Variants in ADARB2 observed in about 807,000 individuals in gnomAD.
ADARB2 encodes inactive double-stranded RNA-specific editase B2.
In ADARB2, 25 loss-of-function variants were observed where a neutral mutation model predicts 62.2. The observed-to-expected ratio is 0.40, with a 90% CI of 0.29 to 0.56. The LOEUF (loss-of-function observed/expected upper bound fraction) is 0.56, where lower values mean the gene tolerates loss of function less well. Ranked by LOEUF, ADARB2 falls within the 20% of genes least tolerant of loss-of-function variation. The pLI is 0.43. For missense variants in ADARB2, 1,071 were observed against 1,077.4 expected (o/e 0.99, Z 0.08); for synonymous variants, 572 against 500.8 (o/e 1.14, Z -1.90).
At chr10:1,190,920 C>A (rs1308274063) in intron 8 of ADARB2, among the ~76,000 whole-genome samples, 1 of 152,228 alleles carries the variant, frequency 6.6e-6, no homozygotes, top group Non-Finnish European at 1.5e-5. Flanking sequence ...AACTTCGGGA[C>A]TGGTCTAAGG....
In ADARB2 at chr10:1,737,302, C is replaced by G; in HGVS notation, c.-152G>C. On this transcript the variant is annotated 5_prime_UTR_variant, in exon 1 of 10. Coordinates refer to ENST00000381312, the MANE Select transcript of ADARB2 (RefSeq NM_018702.4). ...CAGGACTGAGCAGGAAAGCGCGCTC[C>G]GTCTCTCTGTCTCTCGAATTGTTCT... 7.2e-6 allele frequency: 5 copies of G among 696,086 alleles called. No homozygotes were observed. The highest frequency in any genetic ancestry group is 1.2e-5 in the Non-Finnish European group (5 of 418,168). The allele number at this position is 696,086 out of a possible 1,614,324, so 43.1% of individuals were successfully genotyped here. A position where few individuals can be genotyped will look rare whatever the true frequency, so the allele number is the denominator to read the frequency against.
chr10:1,310,501 A>G lies in ADARB2; in HGVS notation c.1078-39432T>C, dbSNP rs376772730. On this transcript the variant is annotated intron_variant, in intron 3 of 9. Transcript: ENST00000381312. ...AAGAATCCATCTAAACCTACTTTCTAAGCCCTGGAGGCCCCAGAAGTGAAA... is the reference window on the plus strand; with the variant it reads ...AAGAATCCATCTAAACCTACTTTCTGAGCCCTGGAGGCCCCAGAAGTGAAA... Among the ~76,000 whole-genome samples the G allele has an allele frequency of 1.1e-4, 16 of 152,374 alleles. No individual in the cohort carries two copies. In the South Asian group the frequency reaches 2.9e-3, roughly 28 times the overall value.
intron 1 of ADARB2, among the ~76,000 whole-genome samples, chr10:1,472,743 C>A (rs551967582): frequency 3.3e-5 from 5 of 151,942 alleles, no homozygotes; most frequent in Non-Finnish European, 5.9e-5. Flanking sequence ...GTAATTTTAG[C>A]GATGGGAGGG....
rs1049503808 is a variant in ADARB2, at chr10:1,348,597, C to G, written c.1077+14431G>C. 1.9e-4 allele frequency among the ~76,000 whole-genome samples: 29 copies of G among 152,174 alleles called. 1 individual carries two copies. Among genetic ancestry groups the G allele is most frequent in the Admixed American group, 1.9e-3 (29 of 15,292 alleles). On this transcript the variant is annotated intron_variant, in intron 3 of 9. Transcript: ENST00000381312. ...TGCCCCCTACCCCTTGTGCCCTGCTCTCCTCCTCCCACCCCCTCTGCTCTG... is the reference window on the plus strand; with the variant it reads ...TGCCCCCTACCCCTTGTGCCCTGCTGTCCTCCTCCCACCCCCTCTGCTCTG...
intron 6 of ADARB2, among the ~76,000 whole-genome samples, chr10:1,220,041 AATGGTGATGGTGGTGGTGGTGATG>A (rs1830672463): frequency 1.7e-5 from 1 of 60,240 alleles, no homozygotes; most frequent in Admixed American, 1.5e-4. Flanking sequence ...TGATGATGGT[AATGGTGATGGTGGTGGTGGTGATG>A]ATGGTGATGG....
intron 1 of ADARB2, among the ~76,000 whole-genome samples, chr10:1,686,790 A>G (rs183937341): frequency 6.9e-4 from 105 of 152,344 alleles, no homozygotes; most frequent in African/African-American, 2.5e-3. Flanking sequence ...TATTATAAGT[A>G]TCATATTAAC....
chr10:1,614,282 A>G (rs574176180), intron 1 of ADARB2, among the ~76,000 whole-genome samples: 11 of 152,376 alleles, frequency 7.2e-5, no homozygotes, highest in African/African-American at 2.4e-4. Context: ...CAGCTTTAAA[A>G]AGCAAAATAG....
chr10:1,669,914 A>G (rs556472618), intron 1 of ADARB2, among the ~76,000 whole-genome samples: 1 of 152,242 alleles, frequency 6.6e-6, no homozygotes, highest in South Asian at 2.1e-4. Flanking sequence ...ACACACCCAT[A>G]GAGAGATGCA....
chr10:1,557,446 C>T (rs1230286606), intron 1 of ADARB2, among the ~76,000 whole-genome samples: 1 of 152,146 alleles, frequency 6.6e-6, no homozygotes, highest in South Asian at 2.1e-4. Flanking sequence ...AGCCACGGTC[C>T]TCCAACAGGC....
rs538015388 is a variant in ADARB2 at position 1,445,301 on chromosome 10, C to T, written c.101-66141G>A. ...ACCCACCCACCCATCTATTCATTCA[C>T]CATCCGCCTACATCCATCCTTTCAT... On this transcript the variant is annotated intron_variant, in intron 1 of 9. Transcript: ENST00000381312. Among the ~76,000 whole-genome samples the T allele has an allele frequency of 1.4e-3, 216 of 151,506 alleles. 2 individuals carry two copies. Among genetic ancestry groups the T allele is most frequent in the African/African-American group, 5.0e-3 (205 of 41,336 alleles).
intron 2 of ADARB2, among the ~76,000 whole-genome samples, chr10:1,366,608 G>T (rs142026937): frequency 2.0e-5 from 3 of 152,202 alleles, no homozygotes; most frequent in Non-Finnish European, 4.4e-5. Flanking sequence ...GAGTTTATTA[G>T]TTGGTCGCAG....
intron 1 of ADARB2, among the ~76,000 whole-genome samples, chr10:1,578,545 C>A (rs898057341): frequency 6.6e-6 from 1 of 152,096 alleles, no homozygotes; most frequent in African/African-American, 2.4e-5. Flanking sequence ...TTCCTGGGGC[C>A]CTTGGCGTGG....
intron 3 of ADARB2, among the ~76,000 whole-genome samples, chr10:1,274,147 G>T (rs1381220412): frequency 1.3e-5 from 2 of 152,222 alleles, no homozygotes; most frequent in African/African-American, 4.8e-5. Flanking sequence ...CTCTCCCGCC[G>T]GTCCGCCCCA....
At chr10:1,713,517 CACAGCAGG>C (rs544450897) in intron 1 of ADARB2, among the ~76,000 whole-genome samples, 243 of 152,266 alleles carry the variant, frequency 1.6e-3, no homozygotes, top group African/African-American at 5.4e-3. Context: ...TGTAAATGGC[CACAGCAGG>C]ACGGTGCTGC....
At chr10:1,410,849 G>T (rs980318957) in intron 1 of ADARB2, among the ~76,000 whole-genome samples, 7 of 152,156 alleles carry the variant, frequency 4.6e-5, no homozygotes, top group Non-Finnish European at 8.8e-5. Context: ...TGTGAGTGCC[G>T]CCTGATCACT....
In ADARB2 at chr10:1,379,154, A is replaced by C. The variant is rs1233353128; in HGVS notation, c.107T>G (p.Val36Gly). ...AGCGAGGAAGGTTGACAATATGCTT[A>C]CTTTATCTGGAAAGAAAAGAACAGG... ...RRRRSKRKDK[V>G]SILSTFLAPF... The change falls in exon 2 of 10, where the codon GTA becomes GGA. Residue 36 changes from valine to glycine, a missense_variant. Val to Gly is a moderately radical substitution (Grantham distance 109). Transcript: ENST00000381312. 1.2e-6 allele frequency: 2 copies of C among 1,611,744 alleles called. No homozygotes were observed. Among genetic ancestry groups the C allele is most frequent in the African/African-American group, 1.3e-5 (1 of 74,872 alleles).
chr10:1,341,957 A>G (rs1024236195), intron 3 of ADARB2, among the ~76,000 whole-genome samples: 12 of 152,226 alleles, frequency 7.9e-5, no homozygotes, highest in African/African-American at 2.9e-4. Context: ...TTCCTGAGCC[A>G]CTTTCACCCT....
chr10:1,704,894 G>A lies in ADARB2; in HGVS notation c.100+32157C>T, dbSNP rs370035907. On this transcript the variant is annotated intron_variant, in intron 1 of 9. Coordinates refer to ENST00000381312, the MANE Select transcript of ADARB2 (RefSeq NM_018702.4). The surrounding 1 kb of genome is among the most constrained non-coding windows in gnomAD (Gnocchi z 5.6). ...AGGAGCCCAGCAGTTTATCATTTGA[G>A]CAGGAAAAGGGTGCAGGGGAGACCA... is the stretch of plus-strand genomic sequence containing the variant. 2.6e-5 allele frequency among the ~76,000 whole-genome samples: 4 copies of A among 152,228 alleles called. No homozygotes were observed. Among genetic ancestry groups the A allele is most frequent in the South Asian group, 2.1e-4 (1 of 4,814 alleles).
intron 1 of ADARB2, among the ~76,000 whole-genome samples, chr10:1,396,580 C>T (rs923356966): frequency 6.6e-5 from 10 of 151,972 alleles, no homozygotes; most frequent in African/African-American, 2.4e-4. Context: ...CGCCTCTCCC[C>T]TCCCGAGTGC....
Sources: gnomAD v4.1 joint callset for allele counts (sites outside exome capture counted in the v4.1 genomes callset) on GRCh38, gnomAD v4.1.1 for gene constraint, Gnocchi (gnomAD v3.1) non-coding constraint, MANE v1.5 for transcripts, NCBI Gene and HGNC (gene_info 2026-07-23, HGNC 2026-07-21) for gene names.